The following RFX4 variants were observed in gnomAD, a reference collection of about 807,000 sequenced individuals.
The protein encoded by RFX4 is regulatory factor X4.
A neutral mutation model predicts 95.0 loss-of-function variants in RFX4; 10 were observed. That is an observed-to-expected ratio of 0.11 (90% confidence interval 0.06 to 0.18). The LOEUF is 0.18. Ranked by LOEUF, RFX4 falls within the 10% of genes least tolerant of loss-of-function variation. RFX4 has a pLI of 1.00. For missense variants in RFX4, 640 were observed against 922.0 expected, an observed-to-expected ratio of 0.69 and a Z score of 3.96; for synonymous variants, 321 against 340.7, an observed-to-expected ratio of 0.94 and a Z score of 0.64.
intron 15 of RFX4, among the ~76,000 whole-genome samples, chr12:106,746,945 C>T (rs1417804307): frequency 2.0e-5 from 3 of 152,142 alleles, no homozygotes; most frequent in Admixed American, 6.5e-5. Context: ...AGGATCTGTA[C>T]TAAGCACTGG....
At chr12:106,706,124 G>A (rs1190081678) in intron 8 of RFX4, among the ~76,000 whole-genome samples, 2 of 152,254 alleles carry the variant, frequency 1.3e-5, no homozygotes, top group East Asian at 3.8e-4. Flanking sequence ...AGCAGGTGAA[G>A]AGGGAAGAGA....
In RFX4 at chr12:106,696,402, C is replaced by T. The variant is rs760973351; in HGVS notation, c.789C>T (p.Ile263=). The part of the protein sequence containing the change: ...GVCDSILYKA[I]SGVLMPTVLQ... ...GTGACTCCATCCTCTACAAAGCTATCTCCGGGGTGCTGATGCCCACTGTGC... is the reference window on the plus strand; with the variant it reads ...GTGACTCCATCCTCTACAAAGCTATTTCCGGGGTGCTGATGCCCACTGTGC... The change falls in exon 8 of 18, where the codon ATC becomes ATT. Residue 263 remains isoleucine (I), a synonymous_variant. Coordinates refer to ENST00000392842, the MANE Select transcript of RFX4 (RefSeq NM_213594.3). The T allele has an allele frequency of 5.6e-6, 9 of 1,614,112 alleles. No homozygotes were observed. The South Asian group carries it at 6.6e-5, about 12-fold the overall frequency.
chr12:106,736,784 C>T (rs1406817026), intron 15 of RFX4, among the ~76,000 whole-genome samples: 1 of 152,124 alleles, frequency 6.6e-6, no homozygotes, highest in African/African-American at 2.4e-5. Flanking sequence ...GCCTCTGGTT[C>T]AGGCCACCCC....
At position 106,691,019 on chromosome 12, in the gene RFX4, G is replaced by C. The variant is rs190965947; in HGVS notation, c.669+1655G>C. Among the ~76,000 whole-genome samples, 40 of 152,298 alleles carry C rather than the reference G, an allele frequency of 2.6e-4. 1 individual carries two copies. The East Asian group carries it at 6.0e-3, about 23-fold the overall frequency. On this transcript the variant is annotated intron_variant, in intron 7 of 17. Coordinates refer to ENST00000392842, the MANE Select transcript of RFX4 (RefSeq NM_213594.3). ...ATAAGTAAAACACAGTTGATAGGAT[G>C]GGGGGAAGGCATGTAACCAGCAACT...
chr12:106,602,508 A>G (rs1464182663), intron 1 of RFX4, among the ~76,000 whole-genome samples: 1 of 151,324 alleles, frequency 6.6e-6, no homozygotes, highest in Non-Finnish European at 1.5e-5. Flanking sequence ...GTCAGATTTG[A>G]GCTCCAAACC....
intron 2 of RFX4, among the ~76,000 whole-genome samples, chr12:106,609,352 T>C (rs1054281676): frequency 2.0e-5 from 3 of 152,258 alleles, no homozygotes; most frequent in Non-Finnish European, 4.4e-5. Flanking sequence ...GAAAGATGTA[T>C]CATCCTGTGT....
chr12:106,628,979 G>A (rs983491366), intron 2 of RFX4, among the ~76,000 whole-genome samples: 3 of 151,972 alleles, frequency 2.0e-5, no homozygotes, highest in African/African-American at 2.4e-5. Context: ...GGCTGGTCTC[G>A]AATTCCTTAC....
At chr12:106,598,609 G>A (rs1431766011) in intron 1 of RFX4, among the ~76,000 whole-genome samples, 1 of 152,198 alleles carries the variant, frequency 6.6e-6, no homozygotes, top group Non-Finnish European at 1.5e-5. Flanking sequence ...TAGGAGAAGG[G>A]TGTTTTGGTG....
At chr12:106,756,716 G>A (rs1173542098) in intron 17 of RFX4, among the ~76,000 whole-genome samples, 1 of 152,178 alleles carries the variant, frequency 6.6e-6, no homozygotes, top group Non-Finnish European at 1.5e-5. Flanking sequence ...CTATTTTACA[G>A]GGTTGCAGTG....
chr12:106,699,205 T>C (rs2041941060), intron 8 of RFX4, among the ~76,000 whole-genome samples: 1 of 152,154 alleles, frequency 6.6e-6, no homozygotes, highest in Non-Finnish European at 1.5e-5. Context: ...TTCTAAATAT[T>C]TGGGGATTTT....
At chr12:106,684,933 G>T (rs572671087) in intron 5 of RFX4, 1 of 1,613,230 alleles carries the variant, frequency 6.2e-7, no homozygotes, top group South Asian at 1.1e-5. Flanking sequence ...GGAGGGTTGG[G>T]GAGAGGGAAG....
intron 4 of RFX4, among the ~76,000 whole-genome samples, chr12:106,669,729 C>T (rs145853646): frequency 1.3e-5 from 2 of 152,062 alleles, no homozygotes; most frequent in East Asian, 3.9e-4. Flanking sequence ...CGTACATAGA[C>T]AGACTTTCCT....
intron 1 of RFX4, among the ~76,000 whole-genome samples, chr12:106,587,134 C>A (rs940507661): frequency 6.6e-6 from 1 of 152,208 alleles, no homozygotes; most frequent in African/African-American, 2.4e-5. Flanking sequence ...GGAGGCTGCA[C>A]GCAGGCTGGG....
In RFX4 at chr12:106,715,279, C is replaced by G. The variant is rs773451853; in HGVS notation, c.994-121C>G. 6.9e-6 allele frequency: 8 copies of G among 1,152,744 alleles called. No homozygotes were observed. The Admixed American group carries it at 8.3e-5, about 12-fold the overall frequency. The allele number at this position is 1,152,744 out of a possible 1,614,324, so 71.4% of individuals were successfully genotyped here. A position where few individuals can be genotyped will look rare whatever the true frequency, so the allele number is the denominator to read the frequency against. On this transcript the variant is annotated intron_variant, in intron 10 of 17. Coordinates refer to ENST00000392842, the MANE Select transcript of RFX4 (RefSeq NM_213594.3). ...GGTGCTTTCCTGAAATTGAATTTCC[C>G]GGAATTTCAGGGTAGTTTGCAAAAT...
chr12:106,752,539 C>T (rs1253328624), intron 17 of RFX4, among the ~76,000 whole-genome samples: 2 of 152,156 alleles, frequency 1.3e-5, no homozygotes, highest in Non-Finnish European at 2.9e-5. Context: ...CAGCTACCCT[C>T]ACCCTGGGCC....
chr12:106,655,810 G>A (rs1356431388), intron 4 of RFX4, among the ~76,000 whole-genome samples: 1 of 152,190 alleles, frequency 6.6e-6, no homozygotes, highest in Non-Finnish European at 1.5e-5. Context: ...ATGATGGAAG[G>A]TACTGTTTAC....
At chr12:106,639,208 A>G (rs573418011) in intron 2 of RFX4, 124 bp from the exon 3 acceptor site, 1 of 753,534 alleles carries the variant, frequency 1.3e-6, no homozygotes, top group African/African-American at 1.8e-5. Context: ...AAGCCAAAAT[A>G]TTGTTTCAAA....
At chr12:106,691,199 A>C (rs923303383) in intron 7 of RFX4, among the ~76,000 whole-genome samples, 1 of 152,242 alleles carries the variant, frequency 6.6e-6, no homozygotes, top group Non-Finnish European at 1.5e-5. Flanking sequence ...ATTTAAAAAA[A>C]TCATCCCCAT....
At chr12:106,640,653 T>C (rs1329510329) in intron 3 of RFX4, among the ~76,000 whole-genome samples, 6 of 151,736 alleles carry the variant, frequency 4.0e-5, no homozygotes, top group Non-Finnish European at 7.4e-5. Context: ...AGATCAAATC[T>C]CCCCCTTCAC....
Sources: allele counts gnomAD v4.1 joint callset (sites outside exome capture counted in the v4.1 genomes callset), GRCh38; gene constraint gnomAD v4.1.1; transcripts MANE v1.5; gene names NCBI Gene and HGNC (gene_info 2026-07-23, HGNC 2026-07-21).